FGGY: variants seen among roughly 807,000 people sequenced by gnomAD.
FGGY encodes the protein FGGY carbohydrate kinase domain-containing protein.
In FGGY, 72 loss-of-function variants were observed where a neutral mutation model predicts 71.3. That is an observed-to-expected ratio of 1.01 (90% CI 0.84 to 1.23). The LOEUF is 1.23. Among genes scored for constraint, FGGY ranks in the 50% most tolerant of loss-of-function variants. The pLI, the probability that FGGY is intolerant of heterozygous loss-of-function variation, is 0.00. For synonymous variants in FGGY, 251 were observed against 250.3 expected (o/e 1.00, Z -0.02); for missense variants, 668 against 682.3 (o/e 0.98, Z 0.23).
intron 11 of FGGY, among the ~76,000 whole-genome samples, chr1:59,653,137 GAACC>G (rs2153941032): frequency 6.6e-6 from 1 of 152,314 alleles, no homozygotes; most frequent in Admixed American, 6.5e-5. Flanking sequence ...CGTGCTGGGA[GAACC>G]ACTGCTCTCT....
At chr1:59,517,571 A>G (rs369633563) in intron 7 of FGGY, among the ~76,000 whole-genome samples, 4 of 152,090 alleles carry the variant, frequency 2.6e-5, no homozygotes, top group South Asian at 2.1e-4. Context: ...TATCCATCAA[A>G]TCTTGAATCC....
chr1:59,532,439 T>C (rs1235017109), intron 7 of FGGY, among the ~76,000 whole-genome samples: 1 of 152,138 alleles, frequency 6.6e-6, no homozygotes, highest in Non-Finnish European at 1.5e-5. Context: ...AAATCATACA[T>C]AGAAGCTATA....
intron 14 of FGGY, among the ~76,000 whole-genome samples, chr1:59,728,118 T>C (rs2097971627): frequency 6.6e-6 from 1 of 152,160 alleles, no homozygotes; most frequent in African/African-American, 2.4e-5. Context: ...TACCTTTTTT[T>C]CCTCTTGGCC....
chr1:59,463,398 T>G (rs2092392308), intron 6 of FGGY, among the ~76,000 whole-genome samples: 1 of 152,204 alleles, frequency 6.6e-6, no homozygotes, highest in Non-Finnish European at 1.5e-5. Flanking sequence ...TACCAGCCAC[T>G]GCAAAAACAT....
At chr1:59,644,667 A>G (rs1056618683) in intron 11 of FGGY, among the ~76,000 whole-genome samples, 4 of 151,814 alleles carry the variant, frequency 2.6e-5, no homozygotes, top group African/African-American at 7.3e-5. Flanking sequence ...AGAAAATGAC[A>G]TGGTCACACA....
intron 5 of FGGY, among the ~76,000 whole-genome samples, chr1:59,401,621 G>A (rs1410131067): frequency 2.0e-5 from 3 of 152,184 alleles, no homozygotes; most frequent in South Asian, 2.1e-4. Flanking sequence ...GCCCAGAGTC[G>A]AATGGTTAAT....
At position 59,631,115 on chromosome 1, in the gene FGGY, C is replaced by T. The variant is rs1294796377; in HGVS notation, c.1073+5066C>T. Among the ~76,000 whole-genome samples, 3 of 152,260 alleles carry T rather than the reference C, an allele frequency of 2.0e-5. No individual in the cohort carries two copies. In the East Asian group the frequency reaches 5.8e-4, roughly 29 times the overall value. On this transcript the variant is annotated intron_variant, in intron 10 of 15. Transcript: ENST00000303721. Reference sequence around the variant, plus strand: ...GGGGCATCAGTGATCACTTTTTCCTCCTTTTAACATTCTCTTTCCTTGACT... The same window carrying T: ...GGGGCATCAGTGATCACTTTTTCCTTCTTTTAACATTCTCTTTCCTTGACT...
rs532149035 is a variant in FGGY, at chr1:59,653,524, G to A, written c.1222-6695G>A. ...GGGAGTGACCCGATTTTCCAGGTGC[G>A]TCCGTCACCCCTTTCTTTGACTCGG... On this transcript the variant is annotated intron_variant, in intron 11 of 15. Transcript: ENST00000303721. Among the ~76,000 whole-genome samples, 13 of 152,144 alleles carry A rather than the reference G, an allele frequency of 8.5e-5. No homozygotes were observed. The South Asian group carries it at 1.2e-3, about 15-fold the overall frequency.
At chr1:59,315,970 G>C (rs2045380016) in intron 1 of FGGY, among the ~76,000 whole-genome samples, 1 of 152,150 alleles carries the variant, frequency 6.6e-6, no homozygotes, top group Non-Finnish European at 1.5e-5. Context: ...TTTATTGTTG[G>C]TAGAGCCCAT....
At chr1:59,466,946 A>G (rs2092669152) in intron 6 of FGGY, among the ~76,000 whole-genome samples, 1 of 152,182 alleles carries the variant, frequency 6.6e-6, no homozygotes, top group African/African-American at 2.4e-5. Context: ...TAGTGTGGCA[A>G]TTCTTCAAGG....
At chr1:59,521,213 C>T (rs6665454) in intron 7 of FGGY, among the ~76,000 whole-genome samples, 16,432 of 152,056 alleles carry the variant, frequency 0.11, 1,765 homozygotes, top group African/African-American at 0.27. Flanking sequence ...AGTTGAGGTT[C>T]GGTTTAATGC....
intron 8 of FGGY, among the ~76,000 whole-genome samples, chr1:59,567,169 T>C (rs2095887665): frequency 6.6e-6 from 1 of 152,154 alleles, no homozygotes; most frequent in Non-Finnish European, 1.5e-5. Context: ...ATACAGCATA[T>C]AAACCACCAA....
chr1:59,588,421 T>C (rs1227374675), intron 8 of FGGY, among the ~76,000 whole-genome samples: 1 of 151,762 alleles, frequency 6.6e-6, no homozygotes, highest in Non-Finnish European at 1.5e-5. Flanking sequence ...AGGCCAACGT[T>C]CAGATTCAGG....
chr1:59,377,557 G>C (rs1289799044), intron 4 of FGGY, among the ~76,000 whole-genome samples: 1 of 152,152 alleles, frequency 6.6e-6, no homozygotes, highest in African/African-American at 2.4e-5. Context: ...GACACTTGGG[G>C]ATTATGGGAA....
chr1:59,592,164 G>T (rs1487956629), intron 8 of FGGY, among the ~76,000 whole-genome samples: 2 of 151,458 alleles, frequency 1.3e-5, no homozygotes, highest in Non-Finnish European at 2.9e-5. Context: ...CATTTATGCA[G>T]CAAAAAAACA....
intron 5 of FGGY, among the ~76,000 whole-genome samples, chr1:59,429,416 A>G (rs953808778): frequency 6.6e-6 from 1 of 152,058 alleles, no homozygotes; most frequent in African/African-American, 2.4e-5. Context: ...TTTCAAATCA[A>G]CTCAATTCAT....
chr1:59,345,853 A>G (rs1232897276), intron 3 of FGGY, among the ~76,000 whole-genome samples: 1 of 152,242 alleles, frequency 6.6e-6, no homozygotes, highest in Non-Finnish European at 1.5e-5. Flanking sequence ...TAAAGGAGAC[A>G]GATCTTAGAA....
intron 6 of FGGY, among the ~76,000 whole-genome samples, chr1:59,490,620 C>G (rs994730616): frequency 3.3e-5 from 5 of 152,018 alleles, no homozygotes; most frequent in African/African-American, 4.8e-5. Flanking sequence ...AGCATTTCCC[C>G]TATGTTTTCT....
At chr1:59,341,342 T>C (rs1427803659) in intron 3 of FGGY, among the ~76,000 whole-genome samples, 1 of 152,234 alleles carries the variant, frequency 6.6e-6, no homozygotes, top group African/African-American at 2.4e-5. Flanking sequence ...GGACCTAATG[T>C]ATGAAATAGT....
Sources: gnomAD v4.1 joint callset for allele counts (sites outside exome capture counted in the v4.1 genomes callset) on GRCh38, gnomAD v4.1.1 for gene constraint, MANE v1.5 for transcripts, NCBI Gene and HGNC (gene_info 2026-07-23, HGNC 2026-07-21) for gene names.